Variants in CYFIP2 observed in about 807,000 individuals in gnomAD.
CYFIP2 encodes cytoplasmic FMR1-interacting protein 2.
In CYFIP2, 29 loss-of-function variants were observed where a neutral mutation model predicts 158.7. That is an observed-to-expected ratio of 0.18 (90% CI 0.14 to 0.25). The LOEUF (loss-of-function observed/expected upper bound fraction) is 0.25. CYFIP2 is among the 10% of genes least tolerant of loss of function. The pLI is 1.00. For missense variants in CYFIP2, 852 were observed against 1,639.5 expected, an observed-to-expected ratio of 0.52 and a Z score of 8.29; for synonymous variants, 585 against 617.6, an observed-to-expected ratio of 0.95 and a Z score of 0.78.
chr5:157,379,432 T>C (rs1445166710), intron 26 of CYFIP2, among the ~76,000 whole-genome samples: 3 of 151,730 alleles, frequency 2.0e-5, no homozygotes, highest in African/African-American at 7.3e-5. Flanking sequence ...ATAAGCTGAA[T>C]AGTGCTGTAT....
At chr5:157,343,332 A>C in intron 23 of CYFIP2, 1 of 1,614,188 alleles carries the variant, frequency 6.2e-7, no homozygotes, top group Non-Finnish European at 8.5e-7. Flanking sequence ...TAGAGAGTGG[A>C]AGGGGCAAGA....
intron 26 of CYFIP2, among the ~76,000 whole-genome samples, chr5:157,377,336 A>T (rs976929136): frequency 2.0e-5 from 3 of 151,864 alleles, no homozygotes; most frequent in African/African-American, 7.3e-5. Flanking sequence ...CTTGGCTCTC[A>T]GCCCTGCCCT....
In CYFIP2 at chr5:157,325,561, C is replaced by T. The variant is rs375426388; in HGVS notation, c.1905C>T (p.Ile635=). 4.2e-5 allele frequency: 67 copies of T among 1,613,098 alleles called. No individual in the cohort carries two copies. The highest frequency in any genetic ancestry group is 5.3e-5 in the Non-Finnish European group (63 of 1,179,580). ...FFLELTMGRR[I]QFPIEMSMPW... is the part of the protein sequence containing the mutation. ...TGGAGTTAACCATGGGCCGACGAAT[C>T]CAGTTCCCCATCGAGATGTCCATGC... is the stretch of plus-strand genomic sequence containing the variant. The change falls in exon 17 of 31, where the codon ATC becomes ATT. Residue 635 remains isoleucine (I), a synonymous_variant. Coordinates refer to ENST00000620254, the MANE Select transcript of CYFIP2 (RefSeq NM_001037333.3).
intron 26 of CYFIP2, among the ~76,000 whole-genome samples, chr5:157,381,649 A>C (rs886572750): frequency 6.6e-6 from 1 of 151,962 alleles, no homozygotes; most frequent in Non-Finnish European, 1.5e-5. Context: ...TGGTAGCCTC[A>C]TTTCTAGGAC....
At chr5:157,321,292 A>G (rs62389534) in intron 15 of CYFIP2, among the ~76,000 whole-genome samples, 17,470 of 152,230 alleles carry the variant, frequency 0.11, 1,516 homozygotes, top group East Asian at 0.26. Flanking sequence ...AGCTCTGATT[A>G]TCTTCTCTGT....
At chr5:157,354,341 A>G (rs974256017) in intron 23 of CYFIP2, among the ~76,000 whole-genome samples, 2 of 152,160 alleles carry the variant, frequency 1.3e-5, no homozygotes, top group Admixed American at 1.3e-4. Context: ...ATCAGTTAGC[A>G]GAATTGGTTC....
intron 29 of CYFIP2, among the ~76,000 whole-genome samples, chr5:157,390,097 C>T (rs1767123325): frequency 6.6e-6 from 1 of 152,194 alleles, no homozygotes; most frequent in African/African-American, 2.4e-5. Context: ...TTTCAGCCTG[C>T]TTCTGGCCAG....
chr5:157,371,798 T>C (rs10036160), intron 26 of CYFIP2, among the ~76,000 whole-genome samples: 4,500 of 152,300 alleles, frequency 0.03, 240 homozygotes, highest in African/African-American at 0.1. Context: ...TGTGAGTTCC[T>C]TACAGTAAAA....
intron 7 of CYFIP2, 126 bp downstream of exon 7, chr5:157,303,016 A>G: frequency 1.4e-6 from 1 of 708,116 alleles, no homozygotes; most frequent in Non-Finnish European, 2.3e-6. Flanking sequence ...CCACTGCCCT[A>G]CTTGAGAGTG....
chr5:157,375,034 G>A (rs1352689789), intron 26 of CYFIP2, among the ~76,000 whole-genome samples: 1 of 152,342 alleles, frequency 6.6e-6, no homozygotes, highest in East Asian at 1.9e-4. Flanking sequence ...AAGATTCTAA[G>A]TGGCCACTTG....
At chr5:157,382,814 G>A (rs1766261639) in intron 27 of CYFIP2, among the ~76,000 whole-genome samples, 152 bp downstream of exon 27, 1 of 151,684 alleles carries the variant, frequency 6.6e-6, no homozygotes, top group African/African-American at 2.4e-5. Flanking sequence ...ATTGGAAGAT[G>A]GACCTAGCCA....
intron 8 of CYFIP2, among the ~76,000 whole-genome samples, chr5:157,307,282 A>T (rs1759313044): frequency 6.6e-6 from 1 of 152,224 alleles, no homozygotes; most frequent in East Asian, 1.9e-4. Flanking sequence ...CCACCCTGGG[A>T]TACAGCAAGG....
intron 1 of CYFIP2, among the ~76,000 whole-genome samples, chr5:157,273,505 G>T (rs1756282236): frequency 6.6e-6 from 1 of 152,144 alleles, no homozygotes; most frequent in African/African-American, 2.4e-5. Context: ...GCAGGGGCAG[G>T]GGGAGGGAAC....
Position 157,358,936 on chromosome 5 carries a change from A to G in CYFIP2, c.2674-69A>G, listed in dbSNP as rs367733417. On this transcript the variant is annotated intron_variant, in intron 23 of 30. Transcript: ENST00000620254. ...TTCCTAATGCTTCTGTCAGCAGAAC[A>G]TCTGCCAGGACTCCACCAGTGTCCA... 3.8e-6 allele frequency: 6 copies of G among 1,593,248 alleles called. No individual in the cohort carries two copies. The African/African-American group carries it at 5.4e-5, about 14-fold the overall frequency.
chr5:157,343,003 G>A lies in CYFIP2; in HGVS notation c.2673+1846G>A, dbSNP rs760704939. The stretch of plus-strand genomic sequence containing the variant: ...TCTTGCGTGGCATTTCCACCAGGGG[G>A]AGCCCCTGCAGGTCTTCCTCCCTCT... On this transcript the variant is annotated intron_variant, in intron 23 of 30. Transcript: ENST00000620254. The A allele has an allele frequency of 1.9e-6, 3 of 1,614,078 alleles. No homozygotes were observed. In the African/African-American group the frequency reaches 4.0e-5, roughly 22 times the overall value.
intron 1 of CYFIP2, 149 bp from the exon 2 acceptor site, chr5:157,285,190 G>A (rs931551074): frequency 3.2e-5 from 19 of 600,582 alleles, no homozygotes; most frequent in Non-Finnish European, 4.8e-5. Context: ...TACACATCGA[G>A]AGCACCTTGG....
intron 1 of CYFIP2, among the ~76,000 whole-genome samples, chr5:157,275,067 C>T (rs567064805): frequency 2.0e-5 from 3 of 152,252 alleles, no homozygotes; most frequent in Admixed American, 2.0e-4. Flanking sequence ...GCCACTGTGC[C>T]CAGCCAAGAA....
chr5:157,276,460 C>T (rs1756551816), intron 1 of CYFIP2, among the ~76,000 whole-genome samples: 1 of 152,170 alleles, frequency 6.6e-6, no homozygotes, highest in African/African-American at 2.4e-5. Flanking sequence ...CCAATCTTAA[C>T]ATTCCTGGGA....
Position 157,277,155 on chromosome 5 carries a change from C to T in CYFIP2, c.-23-8184C>T, listed in dbSNP as rs766622639. On this transcript the variant is annotated intron_variant, in intron 1 of 30. Transcript: ENST00000620254. ...TTCAAGCAATTCTGCCTCACCCTCC[C>T]GAGTAGCTGGGACTACAGGTGCGCA... 2.0e-5 allele frequency: 3 copies of T among 152,126 alleles called. No individual in the cohort carries two copies. In the South Asian group the frequency reaches 6.2e-4, roughly 32 times the overall value. The allele number at this position is 152,126 out of a possible 1,614,324, so 9.4% of individuals were successfully genotyped here. A position where few individuals can be genotyped will look rare whatever the true frequency, so the allele number is the denominator to read the frequency against.
Sources: gnomAD v4.1 joint callset for allele counts (sites outside exome capture counted in the v4.1 genomes callset) on GRCh38, gnomAD v4.1.1 for gene constraint, MANE v1.5 for transcripts, NCBI Gene and HGNC (gene_info 2026-07-23, HGNC 2026-07-21) for gene names.